The following CSMD1 variants were observed in gnomAD, a reference collection of about 807,000 sequenced individuals.
CSMD1 encodes CUB and sushi domain-containing protein 1.
Under a neutral mutation model 417.5 loss-of-function variants are expected in CSMD1, and 213 were observed. That is an observed-to-expected ratio of 0.51 (90% CI 0.46 to 0.57). The LOEUF (loss-of-function observed/expected upper bound fraction) is 0.57, where lower values mean the gene tolerates loss of function less well. Ranked by LOEUF, CSMD1 falls within the 20% of genes least tolerant of loss-of-function variation. The pLI is 0.00. For synonymous variants in CSMD1, 2,862 were observed against 1,736.8 expected (o/e 1.65, Z -16.11); for missense variants, 6,923 against 4,529.7 (o/e 1.53, Z -15.17).
At chr8:3,162,090 T>A in intron 38 of CSMD1, 69 bp downstream of exon 38, 2 of 992,918 alleles carry the variant, frequency 2.0e-6, no homozygotes, top group Non-Finnish European at 3.1e-6. Flanking sequence ...AGTGAGGGCT[T>A]TGGCTTTAAG....
intron 1 of CSMD1, among the ~76,000 whole-genome samples, chr8:4,885,956 T>C (rs1563675238): frequency 6.6e-6 from 1 of 151,700 alleles, no homozygotes; most frequent in African/African-American, 2.4e-5. Context: ...AGCTCTTACA[T>C]TTAGGTCTCT....
intron 49 of CSMD1, among the ~76,000 whole-genome samples, chr8:3,072,721 T>C (rs1453976292): frequency 5.3e-5 from 8 of 152,186 alleles, no homozygotes; most frequent in Non-Finnish European, 1.0e-4. Context: ...GAACTTTTCA[T>C]CTCCACTTGG....
chr8:3,718,765 C>A lies in CSMD1; in HGVS notation c.932-10274G>T, dbSNP rs540437886. Among the ~76,000 whole-genome samples the A allele has an allele frequency of 2.0e-5, 3 of 152,080 alleles. No homozygotes were observed. The South Asian group carries it at 6.2e-4, about 31-fold the overall frequency. ...GCAATTAACTATTCATCTCACGTTT[C>A]CTTACCAAATCAGGGACCCCATTTA... On this transcript the variant is annotated intron_variant, in intron 6 of 69. Coordinates refer to ENST00000635120, the MANE Select transcript of CSMD1 (RefSeq NM_033225.6).
rs757501315 is a variant in CSMD1 at position 3,096,939 on chromosome 8, T to C, written c.7048A>G (p.Ser2350Gly). Reference protein sequence around the residue: ...NYFNSQTCSWSIKVEPNYNIT... With the variant: ...NYFNSQTCSWGIKVEPNYNIT... ...TTGTAGTTTGGTTCCACTTTAATACTCCAAGAGCAAGTCTGGGAGTTAAAA... is the reference window on the plus strand; with the variant it reads ...TTGTAGTTTGGTTCCACTTTAATACCCCAAGAGCAAGTCTGGGAGTTAAAA... Residue 2350 changes from serine (S) to glycine (G), a missense_variant, in exon 47 of 70, where the codon AGT becomes GGT. Physicochemically the swap from Ser to Gly is moderately conservative, Grantham distance 56. Transcript: ENST00000635120. 6.4e-6 allele frequency: 10 copies of C among 1,555,966 alleles called. No homozygotes were observed. The African/African-American group carries it at 1.1e-4, about 17-fold the overall frequency.
intron 1 of CSMD1, among the ~76,000 whole-genome samples, chr8:4,959,412 G>C (rs997855400): frequency 1.3e-5 from 2 of 152,204 alleles, no homozygotes; most frequent in African/African-American, 4.8e-5. Flanking sequence ...AGTTGCACTG[G>C]ACACAAGTGA....
intron 3 of CSMD1, among the ~76,000 whole-genome samples, chr8:4,085,787 G>A (rs1374730309): frequency 6.6e-6 from 1 of 152,144 alleles, no homozygotes; most frequent in Admixed American, 6.5e-5. Context: ...AAGTAAATAT[G>A]TTTATCATAA....
At chr8:4,839,693 T>A (rs930282929) in intron 1 of CSMD1, among the ~76,000 whole-genome samples, 1 of 152,196 alleles carries the variant, frequency 6.6e-6, no homozygotes, top group African/African-American at 2.4e-5. Flanking sequence ...TCACTTCTCA[T>A]GAACTCAAAG....
At chr8:3,825,132 A>C (rs1801979138) in intron 5 of CSMD1, among the ~76,000 whole-genome samples, 2 of 152,164 alleles carry the variant, frequency 1.3e-5, no homozygotes. Flanking sequence ...GAAAGGAAGC[A>C]CAGGGGAGAT....
chr8:3,639,267 C>A (rs927372119), intron 7 of CSMD1, among the ~76,000 whole-genome samples: 2 of 152,122 alleles, frequency 1.3e-5, no homozygotes, highest in Non-Finnish European at 2.9e-5. Context: ...AAATAGGTTG[C>A]TATTTGAATA....
intron 15 of CSMD1, among the ~76,000 whole-genome samples, chr8:3,400,627 G>A (rs1200739993): frequency 2.0e-5 from 3 of 151,884 alleles, no homozygotes; most frequent in Non-Finnish European, 4.4e-5. Context: ...TGGAAATTTT[G>A]TTGATATGGG....
chr8:4,573,745 C>T (rs770582870), intron 2 of CSMD1, among the ~76,000 whole-genome samples: 1 of 152,182 alleles, frequency 6.6e-6, no homozygotes, highest in African/African-American at 2.4e-5. Flanking sequence ...CCCAGGTGCT[C>T]TGTCCCAGGG....
intron 25 of CSMD1, among the ~76,000 whole-genome samples, chr8:3,286,579 G>T (rs187855248): frequency 6.6e-6 from 1 of 152,058 alleles, no homozygotes; most frequent in Non-Finnish European, 1.5e-5. Context: ...GATGGCCGGT[G>T]ATAATGAGCA....
At chr8:3,778,865 G>T (rs990491503) in intron 5 of CSMD1, among the ~76,000 whole-genome samples, 2 of 152,180 alleles carry the variant, frequency 1.3e-5, no homozygotes, top group East Asian at 1.9e-4. Flanking sequence ...GAGAAAACAT[G>T]CTGCTTGCAG....
At chr8:4,425,398 T>A (rs74659522) in intron 2 of CSMD1, among the ~76,000 whole-genome samples, 103 of 119,290 alleles carry the variant, frequency 8.6e-4, no homozygotes, top group Middle Eastern at 4.6e-3. Flanking sequence ...AAAAAAAAAA[T>A]AGAGTCCAAC....
At position 4,451,594 on chromosome 8, in the gene CSMD1, G is replaced by C. The variant is rs1266838902; in HGVS notation, c.303-31529C>G. On this transcript the variant is annotated intron_variant, in intron 2 of 69. Coordinates refer to ENST00000635120, the MANE Select transcript of CSMD1 (RefSeq NM_033225.6). ...AAGACAAAGAAAGCCTTAAAAAGAA[G>C]ACCATTTTAGAGGTTATATTCAAGA... Among the ~76,000 whole-genome samples the C allele has an allele frequency of 2.6e-5, 4 of 152,274 alleles. No homozygotes were observed. In the East Asian group the frequency reaches 5.8e-4, roughly 22 times the overall value.
At chr8:4,932,414 G>A (rs966196540) in intron 1 of CSMD1, among the ~76,000 whole-genome samples, 4 of 151,944 alleles carry the variant, frequency 2.6e-5, no homozygotes, top group Non-Finnish European at 5.9e-5. Flanking sequence ...TCTGTGAGGT[G>A]AAGACACGAA....
rs528939765 is a variant in CSMD1, at chr8:4,298,102, C to G, written c.415+121851G>C. Among the ~76,000 whole-genome samples the G allele has an allele frequency of 1.9e-3, 289 of 152,150 alleles. 1 individual carries two copies. The highest frequency in any genetic ancestry group is 6.6e-3 in the African/African-American group (274 of 41,520). ...GGTGAAAACCCAGGGTATAAAGGACCTGGAGAACATCCCAGGGCACTGGGG... is the reference window on the plus strand; with the variant it reads ...GGTGAAAACCCAGGGTATAAAGGACGTGGAGAACATCCCAGGGCACTGGGG... On this transcript the variant is annotated intron_variant, in intron 3 of 69. Transcript: ENST00000635120.
At chr8:4,605,569 A>C (rs1253105057) in intron 2 of CSMD1, among the ~76,000 whole-genome samples, 3 of 152,234 alleles carry the variant, frequency 2.0e-5, no homozygotes, top group Non-Finnish European at 4.4e-5. Flanking sequence ...CTTTTCTCTA[A>C]AGACTTTGGG....
At chr8:4,366,815 G>A (rs1019083442) in intron 3 of CSMD1, among the ~76,000 whole-genome samples, 1 of 151,882 alleles carries the variant, frequency 6.6e-6, no homozygotes, top group Non-Finnish European at 1.5e-5. Flanking sequence ...CCATTAACTC[G>A]TCATTTGGTT....
Sources: gnomAD v4.1 joint callset for allele counts (sites outside exome capture counted in the v4.1 genomes callset) on GRCh38, gnomAD v4.1.1 for gene constraint, MANE v1.5 for transcripts, NCBI Gene and HGNC (gene_info 2026-07-23, HGNC 2026-07-21) for gene names.